ENTPD1: variants seen among roughly 807,000 people sequenced by gnomAD.
ENTPD1 encodes the protein ATP diphosphohydrolase.
Under a neutral mutation model 57.0 loss-of-function variants are expected in ENTPD1, and 33 were observed. The observed-to-expected ratio is 0.58, with a 90% CI of 0.44 to 0.77. The LOEUF (loss-of-function observed/expected upper bound fraction) is 0.77, where lower values mean the gene tolerates loss of function less well. Ranked by LOEUF, ENTPD1 falls within the 30% of genes least tolerant of loss-of-function variation. ENTPD1 has a pLI of 0.00. For missense variants in ENTPD1, 501 were observed against 603.4 expected, an observed-to-expected ratio of 0.83 and a Z score of 1.78; for synonymous variants, 202 against 218.8, an observed-to-expected ratio of 0.92 and a Z score of 0.68.
intron 1 of ENTPD1, among the ~76,000 whole-genome samples, chr10:95,748,654 ATAT>A (rs2098008643): frequency 6.6e-6 from 1 of 152,212 alleles, no homozygotes; most frequent in Non-Finnish European, 1.5e-5. Flanking sequence ...CAGTTCTATA[ATAT>A]TATAAAATAT....
At chr10:95,719,673 G>A (rs2097975352) in intron 1 of ENTPD1, among the ~76,000 whole-genome samples, 1 of 152,196 alleles carries the variant, frequency 6.6e-6, no homozygotes. Flanking sequence ...TGGCTTGATG[G>A]CACAAGGTTT....
chr10:95,736,988 T>G (rs2097995335), intron 1 of ENTPD1, among the ~76,000 whole-genome samples: 1 of 152,250 alleles, frequency 6.6e-6, no homozygotes, highest in Non-Finnish European at 1.5e-5. Context: ...TGTGTGTGCA[T>G]GAAAGAGAGC....
intron 1 of ENTPD1, among the ~76,000 whole-genome samples, chr10:95,720,946 C>G (rs1415292858): frequency 6.6e-6 from 1 of 152,132 alleles, no homozygotes; most frequent in Non-Finnish European, 1.5e-5. Context: ...CCAGTTCCAC[C>G]TGCTCCTCCT....
intron 2 of ENTPD1, 58 bp downstream of exon 2, chr10:95,823,422 G>T (rs1382519023): frequency 1.2e-6 from 2 of 1,609,500 alleles, no homozygotes; most frequent in Admixed American, 1.7e-5. Context: ...GGGTGGGACA[G>T]GGGGAGGAGG....
chr10:95,821,406 A>G (rs756615227), intron 1 of ENTPD1, among the ~76,000 whole-genome samples: 8 of 152,158 alleles, frequency 5.3e-5, no homozygotes, highest in Non-Finnish European at 8.8e-5. Context: ...AGGCAGGACA[A>G]TGTTTGAGGA....
intron 1 of ENTPD1, among the ~76,000 whole-genome samples, chr10:95,806,913 G>A (rs539584708): frequency 6.6e-6 from 1 of 152,284 alleles, no homozygotes; most frequent in Admixed American, 6.5e-5. Flanking sequence ...CCTATATGAG[G>A]TGTCTGCTGG....
At chr10:95,856,960 G>A (rs2140946845) in intron 7 of ENTPD1, among the ~76,000 whole-genome samples, 1 of 151,712 alleles carries the variant, frequency 6.6e-6, no homozygotes, top group African/African-American at 2.4e-5. Flanking sequence ...ATTAAGGAGG[G>A]ACTTCCATTT....
At position 95,867,339 on chromosome 10, in the gene ENTPD1, A is replaced by T; in HGVS notation, c.*956A>T. 1 of 985,456 alleles carries T rather than the reference A, an allele frequency of 1.0e-6. No individual in the cohort carries two copies. Among genetic ancestry groups the T allele is most frequent in the African/African-American group, 1.7e-5 (1 of 57,362 alleles). The allele number at this position is 985,456 out of a possible 1,614,324, so 61.0% of individuals were successfully genotyped here. On this transcript the variant is annotated 3_prime_UTR_variant, in exon 10 of 10. Coordinates refer to ENST00000371205, the MANE Select transcript of ENTPD1 (RefSeq NM_001776.6). ...CACTATTTAGTTCCAGAACATTTGC[A>T]TCATCAATACATTGTCTAGAGACAA... is the stretch of plus-strand genomic sequence containing the variant.
chr10:95,856,948 AGATT>A (rs1254131299), intron 7 of ENTPD1, among the ~76,000 whole-genome samples: 4 of 151,982 alleles, frequency 2.6e-5, no homozygotes, highest in African/African-American at 7.2e-5. Flanking sequence ...GAGGATGGTT[AGATT>A]AAGGAGGGAC....
At chr10:95,742,475 AG>A (rs996779648) in intron 1 of ENTPD1, among the ~76,000 whole-genome samples, 3 of 151,450 alleles carry the variant, frequency 2.0e-5, no homozygotes, top group Admixed American at 1.3e-4. Flanking sequence ...AAACTTTTTA[AG>A]ATACTAGAAA....
intron 1 of ENTPD1, among the ~76,000 whole-genome samples, chr10:95,816,942 T>C (rs1366445621): frequency 6.6e-6 from 1 of 152,246 alleles, no homozygotes; most frequent in Non-Finnish European, 1.5e-5. Context: ...CTCTTTAGTA[T>C]AGGCTATTAC....
In ENTPD1 at chr10:95,867,506, T is replaced by G. The variant is rs2098475758; in HGVS notation, c.*1123T>G. 1.0e-6 allele frequency: 1 copy of G among 985,382 alleles called. No individual in the cohort carries two copies. The highest frequency in any genetic ancestry group is 1.2e-6 in the Non-Finnish European group (1 of 829,938). The allele number at this position is 985,382 out of a possible 1,614,324, so 61.0% of individuals were successfully genotyped here. On this transcript the variant is annotated 3_prime_UTR_variant, in exon 10 of 10. Coordinates refer to ENST00000371205, the MANE Select transcript of ENTPD1 (RefSeq NM_001776.6). Reference sequence around the variant, plus strand: ...GGTTTAATTTAGTGAGAGGGCAGCATTAGTGTGGAGTGGCATGCTTTTGCC... The same window carrying G: ...GGTTTAATTTAGTGAGAGGGCAGCAGTAGTGTGGAGTGGCATGCTTTTGCC...
At chr10:95,732,048 G>T (rs924865135) in intron 1 of ENTPD1, among the ~76,000 whole-genome samples, 15 of 151,904 alleles carry the variant, frequency 9.9e-5, no homozygotes, top group Non-Finnish European at 2.2e-4. Flanking sequence ...CTCCCAAAGT[G>T]CTGGGATTAC....
Position 95,867,027 on chromosome 10 carries a change from T to C in ENTPD1, c.*644T>C. 1 of 991,824 alleles carries C rather than the reference T, an allele frequency of 1.0e-6. No homozygotes were observed. Among genetic ancestry groups the C allele is most frequent in the Non-Finnish European group, 1.2e-6 (1 of 833,522 alleles). 61.4% of individuals were successfully genotyped at this position (991,824 alleles called of 1,614,324 possible). On this transcript the variant is annotated 3_prime_UTR_variant, in exon 10 of 10. Transcript: ENST00000371205. The stretch of plus-strand genomic sequence containing the variant: ...TGTCAATAAATCACATATTCCTAGG[T>C]GATACCCAAATGCTACAGAGTGGAA...
intron 1 of ENTPD1, among the ~76,000 whole-genome samples, chr10:95,736,808 G>A (rs2097995133): frequency 6.6e-6 from 1 of 152,116 alleles, no homozygotes; most frequent in Non-Finnish European, 1.5e-5. Context: ...ACTAATGACT[G>A]ATAGGTGCAA....
At chr10:95,753,178 A>G (rs1403815872), upstream of ENTPD1, 1 of 152,192 alleles carries the variant, frequency 6.6e-6, no homozygotes, top group Non-Finnish European at 1.5e-5. Flanking sequence ...ATTACAAAAA[A>G]AAACAATAAA....
At chr10:95,743,886 C>T (rs984725473) in intron 1 of ENTPD1, among the ~76,000 whole-genome samples, 8 of 151,018 alleles carry the variant, frequency 5.3e-5, no homozygotes, top group Non-Finnish European at 8.9e-5. Flanking sequence ...TACTGGAGAA[C>T]GGTTATAGAA....
intron 1 of ENTPD1, among the ~76,000 whole-genome samples, chr10:95,780,452 A>C (rs2098152573): frequency 6.6e-6 from 1 of 152,250 alleles, no homozygotes; most frequent in Non-Finnish European, 1.5e-5. Context: ...AACAGCAATG[A>C]CCTCAAGGTC....
At chr10:95,845,619 C>T (rs765806635) in intron 6 of ENTPD1, 23 bp downstream of exon 6, 2 of 1,614,202 alleles carry the variant, frequency 1.2e-6, no homozygotes, top group African/African-American at 1.3e-5. Context: ...CAATCCAGAC[C>T]TGCCCCCTTC....
Sources: allele counts gnomAD v4.1 joint callset (sites outside exome capture counted in the v4.1 genomes callset), GRCh38; gene constraint gnomAD v4.1.1; transcripts MANE v1.5; gene names NCBI Gene and HGNC (gene_info 2026-07-23, HGNC 2026-07-21).